Variants in GZMK observed in about 807,000 individuals in gnomAD.
GZMK encodes NK-Tryp-2.
GZMK carries 18 observed loss-of-function variants against 22.8 expected under a neutral mutation model. That is an observed-to-expected ratio of 0.79 (90% CI 0.54 to 1.17). GZMK has a LOEUF of 1.17. GZMK is among the 50% of genes most tolerant of loss of function. The pLI is 0.00. For synonymous variants in GZMK, 136 were observed against 115.0 expected (o/e 1.18, Z -1.17); for missense variants, 342 against 320.2 (o/e 1.07, Z -0.52).
At position 55,033,890 on chromosome 5, in the gene GZMK, G is replaced by A. The variant is rs1202037290; in HGVS notation, c.759G>A (p.Trp253Ter). Residue 253 changes from tryptophan (W) to a stop codon, truncating the protein, a stop_gained, in exon 5 of 5, where the codon TGG (tryptophan) becomes TGA (stop). Transcript: ENST00000231009. LOFTEE classifies it high-confidence loss of function. ...YTLLTKKYQT[W>*]IKSNLVPPHT... is the part of the protein sequence containing the mutation. ...TGTTAACCAAGAAATACCAGACTTG[G>A]ATCAAAAGCAACCTTGTCCCGCCTC... 6.2e-7 allele frequency: 1 copy of A among 1,612,876 alleles called. No individual in the cohort carries two copies. Among genetic ancestry groups the A allele is most frequent in the Non-Finnish European group, 8.5e-7 (1 of 1,179,666 alleles).
At chr5:55,032,993 G>A (rs975350532) in intron 4 of GZMK, among the ~76,000 whole-genome samples, 1 of 152,174 alleles carries the variant, frequency 6.6e-6, no homozygotes, top group Non-Finnish European at 1.5e-5. Flanking sequence ...CGGTTATCAT[G>A]GTTGACCAAA....
chr5:55,033,548 A>G (rs186353092), intron 4 of GZMK, among the ~76,000 whole-genome samples: 1 of 152,350 alleles, frequency 6.6e-6, no homozygotes, highest in African/African-American at 2.4e-5. Context: ...AGATAGAGAC[A>G]TAAACAGAGA....
In GZMK at chr5:55,024,263, T is replaced by C; in HGVS notation, c.-60T>C. 2.4e-6 allele frequency: 2 copies of C among 845,836 alleles called. No homozygotes were observed. The highest frequency in any genetic ancestry group is 2.4e-5 in the East Asian group (1 of 41,400). 52.4% of individuals were successfully genotyped at this position (845,836 alleles called of 1,614,324 possible). A position where few individuals can be genotyped will look rare whatever the true frequency, so the allele number is the denominator to read the frequency against. On this transcript the variant is annotated 5_prime_UTR_variant, in exon 1 of 5. Coordinates refer to ENST00000231009, the MANE Select transcript of GZMK (RefSeq NM_002104.3). ...GAACAAAACTCAGTCTTCAGAATCT[T>C]CTTCCTTCATCACAGGATCAACACA... is the stretch of plus-strand genomic sequence containing the variant.
intron 1 of GZMK, 103 bp downstream of exon 1, chr5:55,024,489 T>C: frequency 2.6e-6 from 2 of 768,258 alleles, no homozygotes; most frequent in Non-Finnish European, 4.4e-6. Flanking sequence ...CCTATCTTTC[T>C]GAACTGTAAT....
Position 55,030,558 on chromosome 5 carries a change from C to G in GZMK, c.337C>G (p.Gln113Glu), listed in dbSNP as rs767916756. ...IPFSRVTSDP[Q>E]SNDIMLVKLQ... is the part of the protein sequence containing the mutation. ...ATTCTCAAGAGTTACATCAGATCCTCAATCAAATGATATCATGCTGGTTAA... is the reference window on the plus strand; with the variant it reads ...ATTCTCAAGAGTTACATCAGATCCTGAATCAAATGATATCATGCTGGTTAA... Residue 113 changes from glutamine to glutamate, a missense_variant, in exon 3 of 5, where the codon CAA becomes GAA. Coordinates refer to ENST00000231009, the MANE Select transcript of GZMK (RefSeq NM_002104.3). The G allele has an allele frequency of 1.9e-6, 3 of 1,612,294 alleles. No individual in the cohort carries two copies. Among genetic ancestry groups the G allele is most frequent in the Non-Finnish European group, 2.5e-6 (3 of 1,178,318 alleles).
intron 2 of GZMK, among the ~76,000 whole-genome samples, chr5:55,029,893 A>G (rs1391431101): frequency 6.6e-6 from 1 of 152,172 alleles, no homozygotes; most frequent in Non-Finnish European, 1.5e-5. Context: ...GGGAAGATAA[A>G]AAAAGTTCTG....
chr5:55,026,750 T>G (rs1241800361), intron 2 of GZMK: 3 of 152,178 alleles, frequency 2.0e-5, no homozygotes, highest in African/African-American at 7.2e-5. Context: ...TTCTGGCCCC[T>G]TTATTAGTTG....
chr5:55,028,260 C>T (rs978607642), intron 2 of GZMK: 3 of 152,154 alleles, frequency 2.0e-5, no homozygotes, highest in Non-Finnish European at 2.9e-5. Flanking sequence ...ACGTGCCCAC[C>T]TTTCTGTTAG....
intron 1 of GZMK, 47 bp from the exon 2 acceptor site, chr5:55,024,613 C>G (rs1256761580): frequency 1.5e-6 from 2 of 1,336,118 alleles, no homozygotes; most frequent in Non-Finnish European, 1.1e-6. Context: ...TTACATGAAA[C>G]AGTAGTTTAG....
Position 55,024,261 on chromosome 5 carries a change from C to A in GZMK, c.-62C>A. On this transcript the variant is annotated 5_prime_UTR_variant, in exon 1 of 5. Transcript: ENST00000231009. ...AAGAACAAAACTCAGTCTTCAGAAT[C>A]TTCTTCCTTCATCACAGGATCAACA... 2.4e-6 allele frequency: 2 copies of A among 840,462 alleles called. No homozygotes were observed. Among genetic ancestry groups the A allele is most frequent in the South Asian group, 1.4e-5 (1 of 71,940 alleles). 52.1% of individuals were successfully genotyped at this position (840,462 alleles called of 1,614,324 possible).
At chr5:55,030,847 G>A (rs897905857) in intron 3 of GZMK, among the ~76,000 whole-genome samples, 8 of 151,678 alleles carry the variant, frequency 5.3e-5, no homozygotes, top group African/African-American at 1.9e-4. Flanking sequence ...ATCTTAACAG[G>A]CCCAAGGATC....
chr5:55,034,275 G>T lies in GZMK; in HGVS notation c.*349G>T. 4.9e-6 allele frequency: 1 copy of T among 204,614 alleles called. No homozygotes were observed. The highest frequency in any genetic ancestry group is 9.9e-6 in the Non-Finnish European group (1 of 100,946). 12.7% of individuals were successfully genotyped at this position (204,614 alleles called of 1,614,324 possible). A position where few individuals can be genotyped will look rare whatever the true frequency, so the allele number is the denominator to read the frequency against. On this transcript the variant is annotated 3_prime_UTR_variant, in exon 5 of 5. Transcript: ENST00000231009. ...TCTGCTGGATCATCCTAAGTTGTTG[G>T]GTTGTTTTCTTTTCATTGTTGTGAT...
At chr5:55,030,031 C>T (rs1741202137) in intron 2 of GZMK, among the ~76,000 whole-genome samples, 1 of 152,174 alleles carries the variant, frequency 6.6e-6, no homozygotes, top group South Asian at 2.1e-4. Context: ...TACTTTACCA[C>T]AATAAACAAA....
At chr5:55,028,400 T>A (rs1471585068) in intron 2 of GZMK, 2 of 152,180 alleles carry the variant, frequency 1.3e-5, no homozygotes, top group Non-Finnish European at 2.9e-5. Context: ...TTCCACCCGG[T>A]CCTGATTTTG....
In GZMK at chr5:55,033,869, A is replaced by G; in HGVS notation, c.738A>G (p.Leu246=). The G allele has an allele frequency of 6.2e-7, 1 of 1,613,846 alleles. No homozygotes were observed. Among genetic ancestry groups the G allele is most frequent in the South Asian group, 1.1e-5 (1 of 91,072 alleles). ...VATKPGIYTL[L]TKKYQTWIKS... is the part of the protein sequence containing the mutation. Reference sequence around the variant, plus strand: ...CAAAGCCTGGAATCTACACCCTGTTAACCAAGAAATACCAGACTTGGATCA... The same window carrying G: ...CAAAGCCTGGAATCTACACCCTGTTGACCAAGAAATACCAGACTTGGATCA... The change falls in exon 5 of 5, where the codon TTA becomes TTG. Residue 246 remains leucine, a synonymous_variant. Coordinates refer to ENST00000231009, the MANE Select transcript of GZMK (RefSeq NM_002104.3).
intron 2 of GZMK, 36 bp from the exon 3 acceptor site, chr5:55,030,398 T>A (rs1211159257): frequency 1.2e-6 from 2 of 1,606,666 alleles, no homozygotes; most frequent in Non-Finnish European, 1.7e-6. Flanking sequence ...GATTTGGAAA[T>A]CATTCTGCTG....
At chr5:55,030,099 T>C (rs949360375) in intron 2 of GZMK, among the ~76,000 whole-genome samples, 1 of 152,256 alleles carries the variant, frequency 6.6e-6, no homozygotes, top group Non-Finnish European at 1.5e-5. Flanking sequence ...TAATTTGCTT[T>C]ATTTTTACAT....
At chr5:55,033,367 T>A (rs971489349) in intron 4 of GZMK, among the ~76,000 whole-genome samples, 1 of 152,220 alleles carries the variant, frequency 6.6e-6, no homozygotes, top group African/African-American at 2.4e-5. Context: ...CAAAATGAAA[T>A]CTACAATTTT....
In GZMK at chr5:55,024,714, T is replaced by C. The variant is rs746397372; in HGVS notation, c.119T>C (p.Phe40Ser). 1 of 1,603,562 alleles carries C rather than the reference T, an allele frequency of 6.2e-7. No homozygotes were observed. The highest frequency in any genetic ancestry group is 8.5e-7 in the Non-Finnish European group (1 of 1,170,472). Residue 40 changes from phenylalanine to serine, a missense_variant, in exon 2 of 5, where the codon TTT becomes TCT. Transcript: ENST00000231009. ...GAAGTGTCACCTCATTCCAGGCCAT[T>C]TATGGCCTCCATCCAGTATGGCGGA... ...GKEVSPHSRP[F>S]MASIQYGGHH...
Sources: allele counts gnomAD v4.1 joint callset (sites outside exome capture counted in the v4.1 genomes callset), GRCh38; gene constraint gnomAD v4.1.1; transcripts MANE v1.5; gene names NCBI Gene and HGNC (gene_info 2026-07-23, HGNC 2026-07-21).